The following C19orf47 variants were observed in gnomAD, a reference collection of about 807,000 sequenced individuals.
The protein encoded by C19orf47 is uncharacterized protein C19orf47.
A neutral mutation model predicts 32.3 loss-of-function variants in C19orf47; 18 were observed. The ratio of observed to expected loss-of-function variants is 0.56; its 90% confidence interval spans 0.39 to 0.83. The LOEUF is 0.83. C19orf47 is among the 40% of genes least tolerant of loss of function. The pLI is 0.00. For missense variants in C19orf47, 484 were observed against 531.6 expected (o/e 0.91, Z 0.88); for synonymous variants, 202 against 211.1 (o/e 0.96, Z 0.37).
the C19orf47 span, among the ~76,000 whole-genome samples, chr19:40,308,789 C>G: frequency 6.6e-6 from 1 of 151,086 alleles, no homozygotes; most frequent in Admixed American, 6.6e-5. Flanking sequence ...GAATACACAA[C>G]AAAAGCACAG....
At chr19:40,311,325 G>A in the C19orf47 span, among the ~76,000 whole-genome samples, 1 of 151,618 alleles carries the variant, frequency 6.6e-6, no homozygotes, top group South Asian at 2.1e-4. Flanking sequence ...GTTGCGGTGA[G>A]CCAAAATCAC....
At chr19:40,334,661 T>A (rs1330947514) in intron 4 of C19orf47, among the ~76,000 whole-genome samples, 1 of 152,030 alleles carries the variant, frequency 6.6e-6, no homozygotes, top group Non-Finnish European at 1.5e-5. Context: ...GGTACGAGAA[T>A]CTCTTGAACT....
chr19:40,322,458 C>T (rs2077740940), intron 8 of C19orf47, 82 bp from the exon 9 acceptor site: 3 of 1,423,312 alleles, frequency 2.1e-6, no homozygotes, highest in Non-Finnish European at 2.8e-6. Flanking sequence ...CTGTGCCTGG[C>T]CTCCTGGGAC....
chr19:40,309,350 G>C, the C19orf47 span, among the ~76,000 whole-genome samples: 1 of 151,868 alleles, frequency 6.6e-6, no homozygotes, highest in African/African-American at 2.4e-5. Flanking sequence ...CACCACTCCT[G>C]GCTAATTTTT....
chr19:40,306,894 AT>A, the C19orf47 span, among the ~76,000 whole-genome samples: 4 of 145,704 alleles, frequency 2.7e-5, no homozygotes, highest in African/African-American at 7.7e-5. Context: ...GGTTCACGCC[AT>A]TCTCCTGCCT....
chr19:40,337,213 A>G (rs1284113696), intron 2 of C19orf47, among the ~76,000 whole-genome samples: 3 of 152,070 alleles, frequency 2.0e-5, no homozygotes, highest in African/African-American at 7.2e-5. Context: ...GTCACTGTGC[A>G]GACTCAATGA....
At chr19:40,301,718 G>A in the C19orf47 span, among the ~76,000 whole-genome samples, 7 of 150,958 alleles carry the variant, frequency 4.6e-5, no homozygotes, top group Non-Finnish European at 7.4e-5. Flanking sequence ...GGTGGCCCAC[G>A]CCTGCAGTCC....
intron 4 of C19orf47, among the ~76,000 whole-genome samples, chr19:40,335,766 C>T (rs1191112033): frequency 6.6e-6 from 1 of 152,094 alleles, no homozygotes; most frequent in Non-Finnish European, 1.5e-5. Flanking sequence ...CCCGCCACCA[C>T]GCTCGGCTAA....
chr19:40,305,325 ACAGT>A, the C19orf47 span, among the ~76,000 whole-genome samples: 1 of 151,628 alleles, frequency 6.6e-6, no homozygotes, highest in Non-Finnish European at 1.5e-5. Flanking sequence ...CCTGGGCGAC[ACAGT>A]CAGACTCTGT....
In C19orf47 at chr19:40,334,036, T is replaced by C. The variant is rs191989356; in HGVS notation, c.223-107A>G. ...AACACCTGACTGCTAGAGAAGATTC[T>C]AACACATTTCACTCCTAACCATAAG... On this transcript the variant is annotated intron_variant, in intron 4 of 8. Transcript: ENST00000683109. The C allele has an allele frequency of 1.0e-4, 78 of 774,678 alleles. No homozygotes were observed. The African/African-American group carries it at 1.2e-3, about 12-fold the overall frequency. The allele number at this position is 774,678 out of a possible 1,614,324, so 48.0% of individuals were successfully genotyped here.
chr19:40,323,908 TG>T, intron 8 of C19orf47, 97 bp downstream of exon 8: 1 of 1,470,868 alleles, frequency 6.8e-7, no homozygotes, highest in Non-Finnish European at 9.5e-7. Flanking sequence ...TAGACGGCCC[TG>T]GGCCGAGTGA....
At chr19:40,298,364 C>T in the C19orf47 span, among the ~76,000 whole-genome samples, 1 of 151,574 alleles carries the variant, frequency 6.6e-6, no homozygotes, top group Non-Finnish European at 1.5e-5. Context: ...AAACGGTTTC[C>T]CAACCTCACT....
intron 5 of C19orf47, among the ~76,000 whole-genome samples, chr19:40,330,102 A>G (rs1237796367): frequency 2.2e-4 from 34 of 152,186 alleles, no homozygotes; most frequent in Admixed American, 2.2e-3. Context: ...CACATCATTC[A>G]ATGTTCTAAA....
chr19:40,333,782 C>T, intron 5 of C19orf47, 69 bp downstream of exon 5: 1 of 1,280,094 alleles, frequency 7.8e-7, no homozygotes, highest in Non-Finnish European at 1.1e-6. Flanking sequence ...GATGGGATGG[C>T]CAGACGTGTC....
Position 40,321,409 on chromosome 19 carries a change from G to T in C19orf47, c.*473C>A, listed in dbSNP as rs2077715621. On this transcript the variant is annotated 3_prime_UTR_variant, in exon 9 of 9. Coordinates refer to ENST00000683109, the MANE Select transcript of C19orf47 (RefSeq NM_001256441.2). ...AACAAAGTGAAGACAGGGAGAGAGAGAAGTCACAGCAGTGGGGGGAGGCGC... is the reference window on the plus strand; with the variant it reads ...AACAAAGTGAAGACAGGGAGAGAGATAAGTCACAGCAGTGGGGGGAGGCGC... 3 of 994,206 alleles carry T rather than the reference G, an allele frequency of 3.0e-6. No individual in the cohort carries two copies. The highest frequency in any genetic ancestry group is 3.6e-6 in the Non-Finnish European group (3 of 835,398). The allele number at this position is 994,206 out of a possible 1,614,324, so 61.6% of individuals were successfully genotyped here.
chr19:40,312,285 C>A, the C19orf47 span, among the ~76,000 whole-genome samples: 1 of 152,088 alleles, frequency 6.6e-6, no homozygotes, highest in Non-Finnish European at 1.5e-5. Flanking sequence ...TGGTGGCTCA[C>A]GCCTGTAATC....
At chr19:40,304,694 T>G in the C19orf47 span, among the ~76,000 whole-genome samples, 1 of 152,160 alleles carries the variant, frequency 6.6e-6, no homozygotes, top group Non-Finnish European at 1.5e-5. Context: ...GTGGGGCTCC[T>G]GTGCATACTT....
the C19orf47 span, among the ~76,000 whole-genome samples, chr19:40,311,751 G>A: frequency 6.6e-6 from 1 of 151,292 alleles, no homozygotes; most frequent in African/African-American, 2.4e-5. Flanking sequence ...TGCCTCCTGG[G>A]TTCAAGCGAC....
the C19orf47 span, among the ~76,000 whole-genome samples, chr19:40,296,352 C>G: frequency 3.9e-5 from 6 of 152,112 alleles, no homozygotes; most frequent in Admixed American, 6.6e-5. Context: ...ACCATCTTGG[C>G]TCACTGCGAC....
Sources: gnomAD v4.1 joint callset for allele counts (sites outside exome capture counted in the v4.1 genomes callset) on GRCh38, gnomAD v4.1.1 for gene constraint, MANE v1.5 for transcripts, NCBI Gene and HGNC (gene_info 2026-07-23, HGNC 2026-07-21) for gene names.